KAZN: variants seen among roughly 807,000 people sequenced by gnomAD.
KAZN encodes the protein kazrin, periplakin interacting protein.
Under a neutral mutation model 87.4 loss-of-function variants are expected in KAZN, and 40 were observed. That is an observed-to-expected ratio of 0.46 (90% CI 0.36 to 0.60). The LOEUF (loss-of-function observed/expected upper bound fraction) is 0.60. KAZN is among the 20% of genes least tolerant of loss of function. The probability of loss-of-function intolerance (pLI) is 0.00; values close to 1 mark genes in which losing one functional copy is unlikely to be tolerated. For missense variants in KAZN, 898 were observed against 1,073.9 expected (o/e 0.84, Z 2.29); for synonymous variants, 466 against 458.3 (o/e 1.02, Z -0.22).
chr1:14,376,022 G>C (rs17396659), intron 2 of KAZN, among the ~76,000 whole-genome samples: 1 of 152,052 alleles, frequency 6.6e-6, no homozygotes, highest in Non-Finnish European at 1.5e-5. Context: ...CCCTGGCCTC[G>C]CATGACTTTG....
chr1:14,673,406 C>G (rs1255121048), intron 1 of KAZN, among the ~76,000 whole-genome samples: 1 of 152,234 alleles, frequency 6.6e-6, no homozygotes, highest in South Asian at 2.1e-4. Flanking sequence ...TTCTTGGAAG[C>G]AACAGCCGTG....
At chr1:14,447,399 G>A (rs910578680) in intron 2 of KAZN, among the ~76,000 whole-genome samples, 5 of 151,434 alleles carry the variant, frequency 3.3e-5, no homozygotes, top group African/African-American at 7.3e-5. Context: ...CCACCACACC[G>A]GGCTAATTTT....
chr1:13,989,678 G>A (rs1639190666), intron 1 of KAZN, among the ~76,000 whole-genome samples: 2 of 152,152 alleles, frequency 1.3e-5, no homozygotes, highest in Admixed American at 1.3e-4. Context: ...TTCTGTACTA[G>A]CGGGAGCTTA....
intron 2 of KAZN, among the ~76,000 whole-genome samples, chr1:14,340,471 A>G (rs1657597220): frequency 6.6e-6 from 1 of 152,246 alleles, no homozygotes; most frequent in Non-Finnish European, 1.5e-5. Flanking sequence ...TGTAACCCCC[A>G]GTTCTGGCAG....
intron 1 of KAZN, among the ~76,000 whole-genome samples, chr1:14,752,670 C>T (rs1644445586): frequency 6.6e-6 from 1 of 152,136 alleles, no homozygotes; most frequent in Admixed American, 6.5e-5. Flanking sequence ...CCCCTCATGA[C>T]TGAATCACTT....
Position 14,304,942 on chromosome 1 carries a change from G to GTT in KAZN, c.249+124364_249+124365dup, listed in dbSNP as rs35013885. ...CATGATTGCTCTGCAGCCAAAGCTA[G>GTT]TTTTTTTTTTTTTTTAATTTTAAAT... On this transcript the variant is annotated intron_variant, in intron 2 of 16. Coordinates refer to the KAZN transcript ENST00000636203. Among the ~76,000 whole-genome samples, 1,279 of 144,564 alleles carry GTT rather than the reference G, an allele frequency of 8.8e-3. 16 individuals are homozygous for GTT. Among genetic ancestry groups the GTT allele is most frequent in the African/African-American group, 0.03 (1,187 of 40,044 alleles). 94.8% of individuals were successfully genotyped at this position (144,564 alleles called of 152,430 possible). A position where few individuals can be genotyped will look rare whatever the true frequency, so the allele number is the denominator to read the frequency against.
chr1:14,548,529 A>G (rs1029371736), intron 2 of KAZN, among the ~76,000 whole-genome samples: 3 of 152,114 alleles, frequency 2.0e-5, no homozygotes, highest in Non-Finnish European at 4.4e-5. Context: ...TTCGCCATAT[A>G]TGTTTACTTC....
chr1:14,285,247 T>A (rs1481104569), intron 2 of KAZN, among the ~76,000 whole-genome samples: 2 of 152,254 alleles, frequency 1.3e-5, no homozygotes, highest in East Asian at 3.8e-4. Context: ...CTAGTGTATA[T>A]AAACTACTCA....
At chr1:14,632,586 T>A (rs931452819) in intron 1 of KAZN, among the ~76,000 whole-genome samples, 5 of 151,050 alleles carry the variant, frequency 3.3e-5, no homozygotes, top group East Asian at 1.9e-4. Flanking sequence ...TTTTTTTTTT[T>A]AATTCACTCA....
intron 1 of KAZN, among the ~76,000 whole-genome samples, chr1:14,805,374 G>C (rs1646174940): frequency 6.6e-6 from 1 of 152,132 alleles, no homozygotes; most frequent in Non-Finnish European, 1.5e-5. Context: ...TAAATGATGT[G>C]ATCTGTAAGT....
intron 1 of KAZN, among the ~76,000 whole-genome samples, chr1:14,017,661 T>C (rs1387969506): frequency 6.6e-6 from 1 of 152,164 alleles, no homozygotes; most frequent in Non-Finnish European, 1.5e-5. Flanking sequence ...TCAGTGCAGC[T>C]CTTGAGTAAA....
intron 1 of KAZN, among the ~76,000 whole-genome samples, chr1:14,633,590 T>C (rs986983677): frequency 6.6e-6 from 1 of 152,178 alleles, no homozygotes; most frequent in South Asian, 2.1e-4. Flanking sequence ...CACTGTCAGA[T>C]AATAAATGTG....
At chr1:14,157,679 G>A (rs938548558) in intron 1 of KAZN, among the ~76,000 whole-genome samples, 2 of 152,070 alleles carry the variant, frequency 1.3e-5, no homozygotes, top group African/African-American at 2.4e-5. Flanking sequence ...TCCTATTGGA[G>A]ATTGATTATT....
chr1:14,559,819 C>A (rs777197417), intron 2 of KAZN, among the ~76,000 whole-genome samples: 4 of 152,156 alleles, frequency 2.6e-5, no homozygotes, highest in Non-Finnish European at 4.4e-5. Context: ...CCTTGTGTGA[C>A]CTTGATGAAG....
At chr1:14,372,660 C>T (rs180749938) in intron 2 of KAZN, among the ~76,000 whole-genome samples, 40 of 152,336 alleles carry the variant, frequency 2.6e-4, no homozygotes, top group Admixed American at 4.6e-4. Context: ...AGCATCCCTT[C>T]TTCTCAGATG....
At chr1:14,059,413 G>A (rs1405553642) in intron 1 of KAZN, among the ~76,000 whole-genome samples, 3 of 152,192 alleles carry the variant, frequency 2.0e-5, no homozygotes, top group Non-Finnish European at 4.4e-5. Context: ...AAGAACAAGA[G>A]GAGAAGAAAG....
In KAZN at chr1:14,053,098, T is replaced by A. The variant is rs1287490733; in HGVS notation, c.92-127337T>A. Among the ~76,000 whole-genome samples the A allele has an allele frequency of 2.0e-5, 3 of 152,314 alleles. No individual in the cohort carries two copies. In the East Asian group the frequency reaches 5.8e-4, roughly 29 times the overall value. On this transcript the variant is annotated intron_variant, in intron 1 of 16. Transcript: ENST00000636203. ...GTGAGTCTGTGATGTTACATGGCAG[T>A]GGTCACGGGATCTTACTCCTGTGAC... is the stretch of plus-strand genomic sequence containing the variant.
At chr1:14,801,684 G>GT (rs1377549951) in intron 1 of KAZN, among the ~76,000 whole-genome samples, 6 of 140,992 alleles carry the variant, frequency 4.3e-5, no homozygotes, top group Middle Eastern at 3.5e-3. Flanking sequence ...TGTTTTTTTT[G>GT]TTTTTTTGTT....
chr1:14,771,751 G>C (rs368151188), intron 1 of KAZN, among the ~76,000 whole-genome samples: 1 of 152,094 alleles, frequency 6.6e-6, no homozygotes, highest in Non-Finnish European at 1.5e-5. Flanking sequence ...GCTTGAACCC[G>C]GGAGGCGGAG....
Sources: gnomAD v4.1 joint callset for allele counts (sites outside exome capture counted in the v4.1 genomes callset) on GRCh38, gnomAD v4.1.1 for gene constraint, MANE v1.5 for transcripts, NCBI Gene and HGNC (gene_info 2026-07-23, HGNC 2026-07-21) for gene names.